KIAA1328: variants seen among roughly 807,000 people sequenced by gnomAD.
KIAA1328 encodes protein hinderin.
KIAA1328 carries 52 observed loss-of-function variants against 68.1 expected under a neutral mutation model. The ratio of observed to expected loss-of-function variants is 0.76; its 90% CI spans 0.61 to 0.96. KIAA1328 has a LOEUF of 0.96. Among genes scored for constraint, KIAA1328 ranks in the 40% least tolerant of loss-of-function variants. The pLI is 0.00. For missense variants in KIAA1328, 641 were observed against 677.6 expected (o/e 0.95, Z 0.60); for synonymous variants, 232 against 239.4 (o/e 0.97, Z 0.28).
intron 6 of KIAA1328, among the ~76,000 whole-genome samples, chr18:37,019,547 C>T (rs1361657619): frequency 6.6e-6 from 1 of 152,242 alleles, no homozygotes; most frequent in African/African-American, 2.4e-5. Flanking sequence ...CGGGGATGGC[C>T]ACCATGTGCT....
chr18:37,226,768 C>T (rs1332591426), downstream of KIAA1328, among the ~76,000 whole-genome samples: 4 of 123,674 alleles, frequency 3.2e-5, no homozygotes, highest in Admixed American at 8.3e-5. Flanking sequence ...AAGATCCATG[C>T]AAAACATTTT....
At chr18:37,060,302 T>G (rs1026741995) in intron 6 of KIAA1328, among the ~76,000 whole-genome samples, 1 of 152,170 alleles carries the variant, frequency 6.6e-6, no homozygotes, top group Non-Finnish European at 1.5e-5. Context: ...TTCCATCTCT[T>G]TAACACTTAT....
In KIAA1328 at chr18:36,974,377, T is replaced by G. The variant is rs138772900; in HGVS notation, c.576+14942T>G. Among the ~76,000 whole-genome samples, 169 of 152,306 alleles carry G rather than the reference T, an allele frequency of 1.1e-3. 1 individual carries two copies. Among genetic ancestry groups the G allele is most frequent in the African/African-American group, 3.9e-3 (162 of 41,568 alleles). On this transcript the variant is annotated intron_variant, in intron 6 of 9. Transcript: ENST00000280020. ...TCTATTATTCCACATTATCTAGCTC[T>G]CATTTCTAAGTGAGAACATGTGGTA...
intron 9 of KIAA1328, among the ~76,000 whole-genome samples, chr18:37,182,780 A>G (rs73421175): frequency 0.031 from 4,722 of 152,284 alleles, 252 homozygotes; most frequent in African/African-American, 0.11. Context: ...AAATATGAAT[A>G]TTAATAGCTA....
chr18:37,224,137 G>A lies in KIAA1328; in HGVS notation c.*1910G>A, dbSNP rs1435187776. On this transcript the variant is annotated 3_prime_UTR_variant, in exon 10 of 10. Transcript: ENST00000280020. ...CAGAACTTTCTTTTCCTTGCCCCCT[G>A]TGTCATGACTAGCTTAAGTGTACTT... is the stretch of plus-strand genomic sequence containing the variant. The A allele has an allele frequency of 4.1e-6, 4 of 985,182 alleles. No homozygotes were observed. The highest frequency in any genetic ancestry group is 6.2e-5 in the Admixed American group (1 of 16,244). The allele number at this position is 985,182 out of a possible 1,614,324, so 61.0% of individuals were successfully genotyped here. A position where few individuals can be genotyped will look rare whatever the true frequency, so the allele number is the denominator to read the frequency against.
chr18:37,118,887 C>T (rs938068802), intron 7 of KIAA1328, among the ~76,000 whole-genome samples: 1 of 152,198 alleles, frequency 6.6e-6, no homozygotes, highest in Non-Finnish European at 1.5e-5. Context: ...TGATTTAGAG[C>T]ATCCCAGAGG....
At chr18:37,150,941 T>A (rs2059015722) in intron 7 of KIAA1328, among the ~76,000 whole-genome samples, 1 of 152,102 alleles carries the variant, frequency 6.6e-6, no homozygotes, top group Non-Finnish European at 1.5e-5. Flanking sequence ...TTATTCAGCA[T>A]TGTCTGGGAG....
chr18:36,857,868 T>C (rs1228886492), intron 4 of KIAA1328, among the ~76,000 whole-genome samples: 3 of 152,192 alleles, frequency 2.0e-5, no homozygotes, highest in Admixed American at 6.5e-5. Flanking sequence ...AGAGACCATA[T>C]GATTTTGGCC....
intron 6 of KIAA1328, among the ~76,000 whole-genome samples, chr18:37,051,741 A>G (rs1269527817): frequency 6.6e-6 from 1 of 152,100 alleles, no homozygotes; most frequent in African/African-American, 2.4e-5. Context: ...GCAAAGACAC[A>G]ATAAATAAGA....
At chr18:36,856,015 ACTTCCAGC>A (rs1323610808) in intron 4 of KIAA1328, among the ~76,000 whole-genome samples, 3 of 151,888 alleles carry the variant, frequency 2.0e-5, no homozygotes, top group Admixed American at 6.6e-5. Context: ...TCATTCTGCC[ACTTCCAGC>A]CTTCATGGTT....
chr18:36,957,696 C>A (rs143381074), intron 5 of KIAA1328, among the ~76,000 whole-genome samples: 43 of 152,174 alleles, frequency 2.8e-4, no homozygotes, highest in African/African-American at 9.6e-4. Flanking sequence ...ATTATACTCT[C>A]TTTATGTTTA....
chr18:36,849,638 G>A (rs2047147238), intron 4 of KIAA1328, among the ~76,000 whole-genome samples: 1 of 151,968 alleles, frequency 6.6e-6, no homozygotes, highest in Admixed American at 6.6e-5. Flanking sequence ...TGGACATTTG[G>A]GTTGTCTCCA....
At chr18:36,933,841 T>C (rs2050402652) in intron 5 of KIAA1328, among the ~76,000 whole-genome samples, 1 of 152,202 alleles carries the variant, frequency 6.6e-6, no homozygotes, top group Non-Finnish European at 1.5e-5. Context: ...ACAGAACAGA[T>C]GAACCCCAAT....
intron 4 of KIAA1328, among the ~76,000 whole-genome samples, chr18:36,845,685 T>C (rs1022282331): frequency 1.3e-5 from 2 of 151,680 alleles, no homozygotes; most frequent in Non-Finnish European, 3.0e-5. Flanking sequence ...ATATATGACT[T>C]GATATAAAAT....
chr18:37,006,496 T>A (rs562773930), intron 6 of KIAA1328, among the ~76,000 whole-genome samples: 8 of 152,274 alleles, frequency 5.3e-5, no homozygotes, highest in South Asian at 2.1e-4. Context: ...CTATTTTTTT[T>A]ATTTATTTAA....
chr18:37,042,891 C>T (rs2055313000), intron 6 of KIAA1328, among the ~76,000 whole-genome samples: 1 of 152,076 alleles, frequency 6.6e-6, no homozygotes, highest in Non-Finnish European at 1.5e-5. Flanking sequence ...TATGCTTTGT[C>T]TCCCACAGGT....
Position 37,223,153 on chromosome 18 carries a change from A to T in KIAA1328, c.*926A>T, listed in dbSNP as rs997939561. 2.0e-6 allele frequency: 2 copies of T among 982,676 alleles called. No individual in the cohort carries two copies. Among genetic ancestry groups the T allele is most frequent in the African/African-American group, 1.8e-5 (1 of 56,270 alleles). 60.9% of individuals were successfully genotyped at this position (982,676 alleles called of 1,614,324 possible). A position where few individuals can be genotyped will look rare whatever the true frequency, so the allele number is the denominator to read the frequency against. On this transcript the variant is annotated 3_prime_UTR_variant, in exon 10 of 10. Coordinates refer to ENST00000280020, the MANE Select transcript of KIAA1328 (RefSeq NM_020776.3). ...AGTGATGCAAGCTGCTGCAAAGCTG[A>T]TGGGCTTCCTCTGGCCCTCCCTTTT...
At chr18:37,002,624 T>G (rs2053632504) in intron 6 of KIAA1328, among the ~76,000 whole-genome samples, 2 of 151,952 alleles carry the variant, frequency 1.3e-5, no homozygotes, top group Non-Finnish European at 2.9e-5. Context: ...TACCTAGGAA[T>G]AAATTTAGCC....
intron 7 of KIAA1328, among the ~76,000 whole-genome samples, chr18:37,082,274 C>T (rs1286752607): frequency 1.4e-5 from 2 of 146,682 alleles, no homozygotes; most frequent in East Asian, 2.0e-4. Flanking sequence ...TGGGTTCAAG[C>T]GATTCTCCTG....
Sources: gnomAD v4.1 joint callset for allele counts (sites outside exome capture counted in the v4.1 genomes callset) on GRCh38, gnomAD v4.1.1 for gene constraint, MANE v1.5 for transcripts, NCBI Gene and HGNC (gene_info 2026-07-23, HGNC 2026-07-21) for gene names.